Variants in SAMMSON observed in about 807,000 individuals in gnomAD.
The protein encoded by SAMMSON is survival associated mitochondrial melanoma specific oncogenic non-coding RNA, also known as long intergenic non-protein coding RNA 1212.
intron 6 of SAMMSON, among the ~76,000 whole-genome samples, chr3:70,268,153 C>T (rs562085746): frequency 1.7e-4 from 25 of 151,386 alleles, no homozygotes; most frequent in Non-Finnish European, 3.4e-4. Flanking sequence ...CTCCTGCCCC[C>T]ACACATGCAC....
intron 4 of SAMMSON, chr3:70,126,403 G>T: frequency 1.2e-6 from 1 of 818,096 alleles, no homozygotes; most frequent in South Asian, 1.4e-5. Flanking sequence ...TAGGGAATGT[G>T]GCAAAAGCTG....
At chr3:70,267,597 T>TTTTTC (rs1701931148) in intron 6 of SAMMSON, among the ~76,000 whole-genome samples, 1 of 148,024 alleles carries the variant, frequency 6.8e-6, no homozygotes, top group Non-Finnish European at 1.5e-5. Flanking sequence ...TTTTTTTTTT[T>TTTTTC]AGTAAAGACG....
chr3:70,250,413 A>T (rs1226754153), intron 6 of SAMMSON, among the ~76,000 whole-genome samples: 4 of 8,682 alleles, frequency 4.6e-4, no homozygotes, highest in African/African-American at 6.5e-4. Flanking sequence ...AATGAATCTC[A>T]CACACACACA....
chr3:70,131,525 C>T lies in SAMMSON; in HGVS notation n.507+59960C>T, dbSNP rs188970369. Among the ~76,000 whole-genome samples, 1,242 of 152,198 alleles carry T rather than the reference C, an allele frequency of 8.2e-3. 66 individuals are homozygous for T. The highest frequency in any genetic ancestry group is 0.075 in the Admixed American group (1,145 of 15,288). ...GCCTTCATGTCCATTATTTTCTTCT[C>T]TTATTTATCTTACTCCAATCATGAA... is the stretch of plus-strand genomic sequence containing the variant. On this transcript the variant is annotated intron_variant and non_coding_transcript_variant, in intron 4 of 9. Transcript: ENST00000642114.
chr3:70,303,576 A>C (rs1702370343), intron 7 of SAMMSON, among the ~76,000 whole-genome samples: 1 of 152,178 alleles, frequency 6.6e-6, no homozygotes, highest in African/African-American at 2.4e-5. Context: ...TTTTTCATTA[A>C]TGTAGCCAGA....
At position 70,168,104 on chromosome 3, in the gene SAMMSON, A is replaced by G. The variant is rs1576141689; in HGVS notation, n.508-81003A>G. Among the ~76,000 whole-genome samples, 4 of 152,106 alleles carry G rather than the reference A, an allele frequency of 2.6e-5. No individual in the cohort carries two copies. The South Asian group carries it at 8.3e-4, about 32-fold the overall frequency. On this transcript the variant is annotated intron_variant and non_coding_transcript_variant, in intron 4 of 9. Transcript: ENST00000642114. ...CGCATATTCTGAATTAAGGACAAAGAGTGGTTCTCCTCCAGTTTTCCTATT... is the reference window on the plus strand; with the variant it reads ...CGCATATTCTGAATTAAGGACAAAGGGTGGTTCTCCTCCAGTTTTCCTATT...
chr3:70,427,887 T>G (rs1308962720), intron 2 of SAMMSON, among the ~76,000 whole-genome samples: 1 of 152,156 alleles, frequency 6.6e-6, no homozygotes, highest in Non-Finnish European at 1.5e-5. Flanking sequence ...TCTTAGATTT[T>G]TGGAAGATTG....
chr3:70,058,059 AT>A (rs1229849418), intron 3 of SAMMSON, among the ~76,000 whole-genome samples: 2 of 152,034 alleles, frequency 1.3e-5, no homozygotes, highest in Non-Finnish European at 2.9e-5. Context: ...ATATCTCTTC[AT>A]TTTTTTCCTT....
Position 70,298,354 on chromosome 3 carries a change from C to G in SAMMSON, n.739+7111C>G, listed in dbSNP as rs201700243. On this transcript the variant is annotated intron_variant and non_coding_transcript_variant, in intron 7 of 9. Coordinates refer to ENST00000642114, the Ensembl canonical transcript of SAMMSON. Reference sequence around the variant, plus strand: ...AAAATAAGATTTCCACTTCTCTCCTCCACCAGCCATGTTTTTGTTTAGTTA... The same window carrying G: ...AAAATAAGATTTCCACTTCTCTCCTGCACCAGCCATGTTTTTGTTTAGTTA... Among the ~76,000 whole-genome samples, 18 of 152,192 alleles carry G rather than the reference C, an allele frequency of 1.2e-4. No individual in the cohort carries two copies. The East Asian group carries it at 2.9e-3, about 24-fold the overall frequency.
At chr3:70,227,098 T>A (rs1701515133) in intron 4 of SAMMSON, among the ~76,000 whole-genome samples, 1 of 152,148 alleles carries the variant, frequency 6.6e-6, no homozygotes, top group Non-Finnish European at 1.5e-5. Context: ...ACAAATTATA[T>A]CCAAGTTCCC....
intron 7 of SAMMSON, among the ~76,000 whole-genome samples, chr3:70,319,795 G>A (rs112216787): frequency 3.2e-4 from 49 of 152,062 alleles, no homozygotes; most frequent in African/African-American, 4.3e-4. Flanking sequence ...AGGAAATTTG[G>A]AAGGGATGTG....
At chr3:70,411,477 T>G (rs763078800) in intron 2 of SAMMSON, among the ~76,000 whole-genome samples, 6 of 152,194 alleles carry the variant, frequency 3.9e-5, no homozygotes, top group Non-Finnish European at 7.3e-5. Context: ...TTTTTCATTG[T>G]TTATTTCTAG....
intron 1 of SAMMSON, among the ~76,000 whole-genome samples, chr3:70,006,429 G>T (rs547927668): frequency 2.0e-5 from 3 of 152,162 alleles, no homozygotes; most frequent in African/African-American, 7.2e-5. Flanking sequence ...GCCTTATAAA[G>T]TTTGGCGAAG....
intron 4 of SAMMSON, among the ~76,000 whole-genome samples, chr3:70,119,347 G>C (rs749197974): frequency 3.3e-5 from 5 of 152,188 alleles, no homozygotes; most frequent in Non-Finnish European, 5.9e-5. Context: ...GATTACAGGC[G>C]TGAGCCACTG....
At chr3:70,269,665 C>A (rs1575611312) in intron 6 of SAMMSON, among the ~76,000 whole-genome samples, 1 of 152,184 alleles carries the variant, frequency 6.6e-6, no homozygotes, top group African/African-American at 2.4e-5. Flanking sequence ...TTTGTTTTAA[C>A]AGCAGAAAAT....
At chr3:70,408,472 T>A (rs1701193561) in intron 2 of SAMMSON, among the ~76,000 whole-genome samples, 1 of 152,170 alleles carries the variant, frequency 6.6e-6, no homozygotes, top group Non-Finnish European at 1.5e-5. Flanking sequence ...CTGCCAGATA[T>A]CCTAAATCAT....
chr3:70,077,270 T>A (rs1172293827), intron 4 of SAMMSON, among the ~76,000 whole-genome samples: 4 of 152,202 alleles, frequency 2.6e-5, no homozygotes, highest in African/African-American at 9.6e-5. Context: ...CCAAGATTTA[T>A]ATTCATTTTC....
chr3:70,349,162 G>T (rs527791036), intron 7 of SAMMSON, among the ~76,000 whole-genome samples: 1 of 152,092 alleles, frequency 6.6e-6, no homozygotes, highest in South Asian at 2.1e-4. Flanking sequence ...ATCACCCAAG[G>T]TCGGGATTTG....
At chr3:70,056,197 A>T (rs145837020) in intron 3 of SAMMSON, among the ~76,000 whole-genome samples, 1 of 152,070 alleles carries the variant, frequency 6.6e-6, no homozygotes, top group East Asian at 1.9e-4. Context: ...ACTAATCTCA[A>T]ATTTGATAGC....
Sources: gnomAD v4.1 joint callset for allele counts (sites outside exome capture counted in the v4.1 genomes callset) on GRCh38, gnomAD v4.1.1 for gene constraint, MANE v1.5 for transcripts, NCBI Gene and HGNC (gene_info 2026-07-23, HGNC 2026-07-21) for gene names.